The following MTMR8 variants were observed in gnomAD, a reference collection of about 807,000 sequenced individuals.
MTMR8 encodes myotubularin related protein 8.
MTMR8 carries 65 observed loss-of-function variants against 39.3 expected under a neutral mutation model. The observed-to-expected ratio is 1.65, with a 90% CI of 1.35 to 2.03. The LOEUF is 2.03. Ranked by LOEUF, MTMR8 falls within the 30% of genes most tolerant of loss-of-function variation. The probability of loss-of-function intolerance (pLI) is 0.00; values close to 1 mark genes in which losing one functional copy is unlikely to be tolerated. For synonymous variants in MTMR8, 245 were observed against 185.2 expected, an observed-to-expected ratio of 1.32 and a Z score of -2.62; for missense variants, 777 against 538.9, an observed-to-expected ratio of 1.44 and a Z score of -4.37.
chrX:64,318,701 G>T (rs866490975), intron 12 of MTMR8, among the ~76,000 whole-genome samples: 163 of 89,389 alleles, frequency 1.8e-3, no homozygotes, highest in Non-Finnish European at 1.7e-3. Flanking sequence ...GTTTGGTTTG[G>T]TTTTTTGTTT....
At chrX:64,270,600 C>A (rs1931738659) in intron 13 of MTMR8, among the ~76,000 whole-genome samples, 1 of 112,213 alleles carries the variant, frequency 8.9e-6, no homozygotes, top group African/African-American at 3.2e-5. Flanking sequence ...TTGCACTGTT[C>A]TTATCAGTAT....
intron 12 of MTMR8, among the ~76,000 whole-genome samples, chrX:64,324,540 C>T (rs1290239359): frequency 9.1e-6 from 1 of 109,706 alleles, no homozygotes; most frequent in Non-Finnish European, 1.9e-5. Context: ...AAACAACTAG[C>T]CAGATGTGGT....
intron 12 of MTMR8, among the ~76,000 whole-genome samples, chrX:64,276,101 G>T (rs746685606): frequency 9.0e-6 from 1 of 111,337 alleles, no homozygotes; most frequent in Admixed American, 9.5e-5. Context: ...CTGGCTAGTG[G>T]TCTATCTATT....
chrX:64,344,195 G>A (rs1200789027), intron 7 of MTMR8, among the ~76,000 whole-genome samples: 1 of 111,244 alleles, frequency 9.0e-6, no homozygotes, highest in East Asian at 2.8e-4. Context: ...CCAGCAGAGG[G>A]AAATCTTTTG....
chrX:64,320,700 G>A (rs1352743658), intron 12 of MTMR8, among the ~76,000 whole-genome samples: 1 of 110,818 alleles, frequency 9.0e-6, no homozygotes, highest in Non-Finnish European at 1.9e-5. Context: ...GAAAGCTCCT[G>A]CAAATATCAG....
chrX:64,308,320 A>ATTTTTTTTTTTTTT (rs778962275), intron 12 of MTMR8, among the ~76,000 whole-genome samples: 167 of 69,529 alleles, frequency 2.4e-3, no homozygotes, highest in African/African-American at 8.7e-3. Context: ...ACGGCTGGCT[A>ATTTTTTTTTTTTTT]TTTTTTTTTT....
chrX:64,295,976 G>A (rs1921565743), intron 12 of MTMR8, among the ~76,000 whole-genome samples: 2 of 111,937 alleles, frequency 1.8e-5, no homozygotes, highest in African/African-American at 3.2e-5. Flanking sequence ...CAAAGAACTC[G>A]AAGCAGGAAA....
chrX:64,328,790 G>A lies in MTMR8; in HGVS notation c.1463C>T (p.Thr488Ile), dbSNP rs1401162524. The A allele has an allele frequency of 8.4e-7, 1 of 1,194,238 alleles. No homozygotes were observed. Among genetic ancestry groups the A allele is most frequent in the Non-Finnish European group, 1.1e-6 (1 of 889,304 alleles). Residue 488 changes from threonine to isoleucine, a missense_variant, in exon 12 of 14, where the codon ACT (threonine) becomes ATT (isoleucine). Transcript: ENST00000374852. ...AACTTACTGAATGTTGTAGGGCACA[G>A]TACTAGGATTGAGTACCCCATACAT... ...FTMYGVLNPS[T>I]VPYNIQFWCG...
intron 12 of MTMR8, among the ~76,000 whole-genome samples, chrX:64,275,364 G>A (rs1169056516): frequency 5.4e-5 from 6 of 110,501 alleles, no homozygotes; most frequent in African/African-American, 2.0e-4. Context: ...AAAGGTTAGA[G>A]AAGAAATAAA....
chrX:64,294,497 T>C (rs958082809), intron 12 of MTMR8, among the ~76,000 whole-genome samples: 1 of 112,035 alleles, frequency 8.9e-6, no homozygotes, highest in Non-Finnish European at 1.9e-5. Flanking sequence ...TTACCAAGAT[T>C]CTGTCTCTGA....
chrX:64,386,763 G>A (rs752059150), intron 1 of MTMR8, among the ~76,000 whole-genome samples: 53 of 111,546 alleles, frequency 4.8e-4, no homozygotes, highest in South Asian at 2.7e-3. Context: ...GTCAAAAAGC[G>A]CCAGGTACAG....
intron 12 of MTMR8, among the ~76,000 whole-genome samples, chrX:64,285,242 G>A (rs1218288956): frequency 1.8e-5 from 2 of 111,676 alleles, no homozygotes; most frequent in Non-Finnish European, 3.8e-5. Context: ...TTACATAATG[G>A]TAAAGGGATC....
At chrX:64,351,797 C>A (rs767696855) in intron 4 of MTMR8, among the ~76,000 whole-genome samples, 1 of 111,250 alleles carries the variant, frequency 9.0e-6, no homozygotes, top group Non-Finnish European at 1.9e-5. Flanking sequence ...AAGATGAAGA[C>A]TGGAAGATTC....
At chrX:64,389,761 T>C (rs1024505378) in intron 1 of MTMR8, among the ~76,000 whole-genome samples, 2 of 112,107 alleles carry the variant, frequency 1.8e-5, no homozygotes, top group Non-Finnish European at 3.8e-5. Flanking sequence ...AGAGCACTTA[T>C]AATGTGCCAG....
chrX:64,270,194 C>T (rs1021188170), intron 13 of MTMR8, among the ~76,000 whole-genome samples: 1 of 111,518 alleles, frequency 9.0e-6, no homozygotes, highest in Non-Finnish European at 1.9e-5. Flanking sequence ...CTGGCTGTTG[C>T]CTCCCAAGAG....
At chrX:64,342,880 G>A (rs1374106867) in intron 8 of MTMR8, among the ~76,000 whole-genome samples, 1 of 112,150 alleles carries the variant, frequency 8.9e-6, no homozygotes, top group African/African-American at 3.2e-5. Flanking sequence ...GAGTACTCAT[G>A]TAGAAATACA....
chrX:64,343,265 G>C (rs1923263632), intron 8 of MTMR8, among the ~76,000 whole-genome samples: 1 of 111,806 alleles, frequency 8.9e-6, no homozygotes, highest in Admixed American at 9.4e-5. Flanking sequence ...TTTTTAATGT[G>C]AAGTCCAGGG....
chrX:64,321,100 A>C (rs1350508730), intron 12 of MTMR8, among the ~76,000 whole-genome samples: 1 of 111,756 alleles, frequency 8.9e-6, no homozygotes, highest in Non-Finnish European at 1.9e-5. Context: ...TAAAAATCTG[A>C]TTTCTACCAC....
At chrX:64,323,601 G>C (rs1922712949) in intron 12 of MTMR8, among the ~76,000 whole-genome samples, 1 of 112,399 alleles carries the variant, frequency 8.9e-6, no homozygotes, top group Non-Finnish European at 1.9e-5. Context: ...AACAGCTGCA[G>C]AATAAACAGT....
Sources: allele counts gnomAD v4.1 joint callset (sites outside exome capture counted in the v4.1 genomes callset), GRCh38; gene constraint gnomAD v4.1.1; transcripts MANE v1.5; gene names NCBI Gene and HGNC (gene_info 2026-07-23, HGNC 2026-07-21).